The following EYA4 variants were observed in gnomAD, a reference collection of about 807,000 sequenced individuals.
EYA4 encodes the protein protein phosphatase EYA4.
EYA4 carries 31 observed loss-of-function variants against 87.9 expected under a neutral mutation model. That is an observed-to-expected ratio of 0.35 (90% CI 0.27 to 0.48). The LOEUF (loss-of-function observed/expected upper bound fraction) is 0.48, where lower values mean the gene tolerates loss of function less well. Among genes scored for constraint, EYA4 ranks in the 20% least tolerant of loss-of-function variants. The pLI is 0.99. For synonymous variants in EYA4, 263 were observed against 270.6 expected (o/e 0.97, Z 0.28); for missense variants, 678 against 761.4 (o/e 0.89, Z 1.29).
chr6:133,482,826 C>CTT (rs1333677108), intron 12 of EYA4, among the ~76,000 whole-genome samples: 7 of 152,034 alleles, frequency 4.6e-5, no homozygotes, highest in Non-Finnish European at 5.9e-5. Context: ...ACATCTGACT[C>CTT]TTAAGCTTAT....
At chr6:133,402,191 C>T (rs1241236747) in intron 3 of EYA4, among the ~76,000 whole-genome samples, 2 of 151,752 alleles carry the variant, frequency 1.3e-5, no homozygotes, top group Non-Finnish European at 1.5e-5. Flanking sequence ...ACACATACCC[C>T]TTCTTTACAC....
intron 2 of EYA4, among the ~76,000 whole-genome samples, chr6:133,314,247 G>A (rs1780459905): frequency 6.6e-6 from 1 of 152,142 alleles, no homozygotes; most frequent in African/African-American, 2.4e-5. Flanking sequence ...ATGTGCCAAT[G>A]TGTGACTGTA....
intron 3 of EYA4, among the ~76,000 whole-genome samples, chr6:133,400,550 G>T (rs1236577302): frequency 6.6e-6 from 1 of 151,416 alleles, no homozygotes; most frequent in Non-Finnish European, 1.5e-5. Context: ...TATATTGCAA[G>T]CCGCTTTGCA....
chr6:133,466,732 C>T (rs1168104958), intron 10 of EYA4, among the ~76,000 whole-genome samples: 1 of 150,882 alleles, frequency 6.6e-6, no homozygotes, highest in Non-Finnish European at 1.5e-5. Context: ...CAGAGTGTAC[C>T]AAATCCCCAA....
Position 133,481,506 on chromosome 6 carries a change from T to G in EYA4, c.1014T>G (p.Asp338Glu), listed in dbSNP as rs1475942473. Residue 338 changes from aspartate to glutamate, a missense_variant, in exon 12 of 20, where the codon GAT becomes GAG. By Grantham distance (45) the Asp-to-Glu change is conservative. Transcript: ENST00000355286. The stretch of plus-strand genomic sequence containing the variant: ...AGAGTCCCTCCACACCCATCAAAGA[T>G]CTTGATGAGAGAACCTGTAGGAGTT... ...TMQSPSTPIK[D>E]LDERTCRSSG... 1.9e-6 allele frequency: 3 copies of G among 1,613,250 alleles called. No individual in the cohort carries two copies. Among genetic ancestry groups the G allele is most frequent in the Non-Finnish European group, 2.5e-6 (3 of 1,179,394 alleles).
At chr6:133,461,307 G>T in intron 7 of EYA4, 127 bp downstream of exon 7, 2 of 745,256 alleles carry the variant, frequency 2.7e-6, no homozygotes, top group Non-Finnish European at 4.9e-6. Flanking sequence ...ATTTGAAATG[G>T]AGACACCCAC....
At chr6:133,402,767 C>G (rs1007516450) in intron 3 of EYA4, among the ~76,000 whole-genome samples, 2 of 152,034 alleles carry the variant, frequency 1.3e-5, no homozygotes, top group Admixed American at 1.3e-4. Context: ...AATGTGAACC[C>G]AAAAGAATAA....
At chr6:133,264,846 TAG>T (rs1776083525) in intron 1 of EYA4, among the ~76,000 whole-genome samples, 1 of 152,170 alleles carries the variant, frequency 6.6e-6, no homozygotes, top group Non-Finnish European at 1.5e-5. Context: ...TTCTTTTCTC[TAG>T]AGAGAGAGGG....
At chr6:133,321,199 GT>G (rs1781063827) in intron 2 of EYA4, among the ~76,000 whole-genome samples, 1 of 152,020 alleles carries the variant, frequency 6.6e-6, no homozygotes, top group African/African-American at 2.4e-5. Context: ...ACTTAACTTT[GT>G]TTATAGTCTA....
At chr6:133,390,599 G>A (rs1261841771) in intron 3 of EYA4, among the ~76,000 whole-genome samples, 2 of 152,164 alleles carry the variant, frequency 1.3e-5, no homozygotes, top group Non-Finnish European at 2.9e-5. Flanking sequence ...AACTGACATA[G>A]CAGTGCATGG....
At chr6:133,491,832 G>C (rs1320254223) in intron 13 of EYA4, among the ~76,000 whole-genome samples, 1 of 151,178 alleles carries the variant, frequency 6.6e-6, no homozygotes, top group African/African-American at 2.4e-5. Context: ...GGTGCCTGTA[G>C]TTCCAGCTAC....
intron 2 of EYA4, among the ~76,000 whole-genome samples, chr6:133,297,365 T>C (rs1315551520): frequency 6.6e-6 from 1 of 152,222 alleles, no homozygotes; most frequent in Non-Finnish European, 1.5e-5. Context: ...CCAAATTGAA[T>C]ATTGCGGGCT....
intron 1 of EYA4, among the ~76,000 whole-genome samples, chr6:133,262,926 A>G (rs1358321845): frequency 1.3e-5 from 2 of 152,096 alleles, no homozygotes; most frequent in Non-Finnish European, 2.9e-5. Flanking sequence ...TTTCTTTTCT[A>G]CGGCCAGGGA....
chr6:133,399,828 A>C lies in EYA4; in HGVS notation c.83+17387A>C, dbSNP rs181210780. 2.0e-5 allele frequency among the ~76,000 whole-genome samples: 3 copies of C among 152,282 alleles called. No individual in the cohort carries two copies. In the East Asian group the frequency reaches 5.8e-4, roughly 29 times the overall value. ...CTTAAAATAATTTTGATGGGAAGGT[A>C]ATTGTTTAATGTCAGTGTATAAAGT... On this transcript the variant is annotated intron_variant, in intron 3 of 19. Coordinates refer to ENST00000355286, the MANE Select transcript of EYA4 (RefSeq NM_004100.5).
chr6:133,359,917 C>A (rs920904862), intron 2 of EYA4, among the ~76,000 whole-genome samples: 1 of 152,124 alleles, frequency 6.6e-6, no homozygotes, highest in Admixed American at 6.5e-5. Flanking sequence ...TTTACCCAAG[C>A]TGAACTTAAC....
chr6:133,279,453 G>T (rs12192839), intron 2 of EYA4, among the ~76,000 whole-genome samples: 1 of 151,788 alleles, frequency 6.6e-6, no homozygotes, highest in Non-Finnish European at 1.5e-5. Context: ...ATTCATTTCT[G>T]TGTCCATTTT....
intron 2 of EYA4, among the ~76,000 whole-genome samples, chr6:133,279,585 A>T (rs559606496): frequency 2.6e-5 from 4 of 152,150 alleles, no homozygotes; most frequent in Admixed American, 6.5e-5. Flanking sequence ...TATGAATTGT[A>T]TTTATTTGCC....
intron 2 of EYA4, among the ~76,000 whole-genome samples, chr6:133,341,851 A>C (rs1782807856): frequency 6.6e-6 from 1 of 152,182 alleles, no homozygotes; most frequent in Non-Finnish European, 1.5e-5. Flanking sequence ...TGGAATGGAT[A>C]GCATCTTTGA....
At chr6:133,348,958 A>T (rs1258480654) in intron 2 of EYA4, among the ~76,000 whole-genome samples, 3 of 151,824 alleles carry the variant, frequency 2.0e-5, no homozygotes, top group Non-Finnish European at 1.5e-5. Flanking sequence ...GTGGCCTTTG[A>T]GGCTCTACAC....
Sources: gnomAD v4.1 joint callset for allele counts (sites outside exome capture counted in the v4.1 genomes callset) on GRCh38, gnomAD v4.1.1 for gene constraint, MANE v1.5 for transcripts, NCBI Gene and HGNC (gene_info 2026-07-23, HGNC 2026-07-21) for gene names.